PFKFB3: variants seen among roughly 807,000 people sequenced by gnomAD.
The protein encoded by PFKFB3 is 6-phosphofructo-2-kinase/fructose-2,6-biphosphatase 3, also known as 6-phosphofructo-2-kinase/fructose-2,6-bisphosphatase 3.
PFKFB3 carries 33 observed loss-of-function variants against 68.0 expected under a neutral mutation model. The ratio of observed to expected loss-of-function variants is 0.49; its 90% confidence interval spans 0.37 to 0.65. The LOEUF (loss-of-function observed/expected upper bound fraction) is 0.65, where lower values mean the gene tolerates loss of function less well. Among genes scored for constraint, PFKFB3 ranks in the 30% least tolerant of loss-of-function variants. The pLI is 0.00. For synonymous variants in PFKFB3, 315 were observed against 288.2 expected (o/e 1.09, Z -0.94); for missense variants, 586 against 712.2 (o/e 0.82, Z 2.02).
intron 14 of PFKFB3, among the ~76,000 whole-genome samples, chr10:6,227,794 T>C (rs1845452973): frequency 6.6e-6 from 1 of 152,174 alleles, no homozygotes; most frequent in Non-Finnish European, 1.5e-5. Flanking sequence ...CTGGGAGAGC[T>C]CTCATACATA....
intron 1 of PFKFB3, among the ~76,000 whole-genome samples, chr10:6,209,708 G>T (rs1430447252): frequency 6.7e-6 from 1 of 150,228 alleles, no homozygotes; most frequent in Non-Finnish European, 1.5e-5. Flanking sequence ...CAGGTGGTCT[G>T]CCCTCCTCTG....
the PFKFB3 span, among the ~76,000 whole-genome samples, chr10:6,277,345 T>C: frequency 1.3e-5 from 2 of 152,074 alleles, no homozygotes; most frequent in African/African-American, 4.8e-5. Flanking sequence ...GCGATTCTCC[T>C]GAGTAGCTGG....
rs557526455 is a variant in PFKFB3 at position 6,225,199 on chromosome 10, C to T, written c.1341+986C>T. Reference sequence around the variant, plus strand: ...CAACACTGTGCTAGTACTAGTCAGACCTTTCTCTTAGACCGAGCGTGACTT... The same window carrying T: ...CAACACTGTGCTAGTACTAGTCAGATCTTTCTCTTAGACCGAGCGTGACTT... On this transcript the variant is annotated intron_variant, in intron 13 of 14. Coordinates refer to ENST00000379775, the MANE Select transcript of PFKFB3 (RefSeq NM_004566.4). 52 of 456,342 alleles carry T rather than the reference C, an allele frequency of 1.1e-4. 1 individual carries two copies. The highest frequency in any genetic ancestry group is 8.1e-4 in the South Asian group (52 of 64,574). The allele number at this position is 456,342 out of a possible 1,614,324, so 28.3% of individuals were successfully genotyped here. A position where few individuals can be genotyped will look rare whatever the true frequency, so the allele number is the denominator to read the frequency against.
chr10:6,254,097 CTTT>C (rs34789693), intron 14 of PFKFB3: 53,671 of 320,892 alleles, frequency 0.17, 3 homozygotes, highest in Middle Eastern at 0.23. Flanking sequence ...TTTCAGATGG[CTTT>C]TTTTTTTTTT....
chr10:6,202,991 C>T lies in PFKFB3; in HGVS notation c.-270C>T, dbSNP rs1843434308. 7 of 1,316,812 alleles carry T rather than the reference C, an allele frequency of 5.3e-6. No individual in the cohort carries two copies. In the East Asian group the frequency reaches 2.4e-4, roughly 45 times the overall value. The allele number at this position is 1,316,812 out of a possible 1,614,324, so 81.6% of individuals were successfully genotyped here. On this transcript the variant is annotated 5_prime_UTR_variant, in exon 1 of 15. Coordinates refer to ENST00000379775, the MANE Select transcript of PFKFB3 (RefSeq NM_004566.4). ...GGTGGCGAGAGCGCGGCTGTCACTG[C>T]GCCCGAGCATCCCAGAGCTTTCCGA...
chr10:6,200,743 G>A (rs1235797127), upstream of PFKFB3, among the ~76,000 whole-genome samples: 4 of 150,374 alleles, frequency 2.7e-5, no homozygotes, highest in Non-Finnish European at 5.9e-5. Flanking sequence ...AGTGCAGGAG[G>A]CGAATGGGGG....
In PFKFB3 at chr10:6,210,910, G is replaced by T. The variant is rs113345655; in HGVS notation, c.77-2713G>T. The stretch of plus-strand genomic sequence containing the variant: ...TGTTTTTAATAGACGGGGTTTCGCC[G>T]TGTTAGCCAGGATAGTCTTGATCTC... On this transcript the variant is annotated intron_variant, in intron 1 of 14. Coordinates refer to ENST00000379775, the MANE Select transcript of PFKFB3 (RefSeq NM_004566.4). Among the ~76,000 whole-genome samples the T allele has an allele frequency of 2.1e-4, 2 of 9,750 alleles. 1 individual carries two copies. Among genetic ancestry groups the T allele is most frequent in the Non-Finnish European group, 2.2e-3 (2 of 914 alleles). 6.4% of individuals were successfully genotyped at this position (9,750 alleles called of 152,430 possible).
the PFKFB3 span, among the ~76,000 whole-genome samples, chr10:6,300,876 G>A: frequency 6.6e-6 from 1 of 152,188 alleles, no homozygotes; most frequent in African/African-American, 2.4e-5. Context: ...CTGCCTTTGA[G>A]AGAAGGGTAA....
the PFKFB3 span, among the ~76,000 whole-genome samples, chr10:6,281,956 AT>A: frequency 1.8e-3 from 257 of 142,976 alleles, no homozygotes; most frequent in Admixed American, 2.3e-3. Context: ...CAGAGCATGA[AT>A]TTTTTTTTTT....
chr10:6,317,790 G>A, the PFKFB3 span, among the ~76,000 whole-genome samples: 1 of 152,332 alleles, frequency 6.6e-6, no homozygotes, highest in East Asian at 1.9e-4. Context: ...CAGAGGCTGA[G>A]GGTGGAAAGG....
downstream of PFKFB3, among the ~76,000 whole-genome samples, chr10:6,239,967 C>T (rs921764143): frequency 1.3e-5 from 2 of 152,186 alleles, no homozygotes; most frequent in Admixed American, 6.5e-5. Context: ...AGCCACCGTG[C>T]CTGACAATGA....
rs112438459 is a variant in PFKFB3, at chr10:6,209,195, A to G, written c.77-4428A>G. On this transcript the variant is annotated intron_variant, in intron 1 of 14. Transcript: ENST00000379775. Reference sequence around the variant, plus strand: ...TACCCACGTGGCCATGGTTGTAACCATGACAACACTTTGAGCTCGAGTCCC... The same window carrying G: ...TACCCACGTGGCCATGGTTGTAACCGTGACAACACTTTGAGCTCGAGTCCC... Among the ~76,000 whole-genome samples, 1,159 of 152,288 alleles carry G rather than the reference A, an allele frequency of 7.6e-3. 16 individuals are homozygous for G. Among genetic ancestry groups the G allele is most frequent in the African/African-American group, 0.026 (1,093 of 41,554 alleles).
At chr10:6,266,354 T>C in the PFKFB3 span, among the ~76,000 whole-genome samples, 1 of 152,212 alleles carries the variant, frequency 6.6e-6, no homozygotes, top group Non-Finnish European at 1.5e-5. Context: ...CGGCATGCTC[T>C]CCTCTTCTGC....
rs1486647517 is a variant in PFKFB3 at position 6,216,057 on chromosome 10, G to A, written c.300-68G>A. The A allele has an allele frequency of 1.1e-5, 15 of 1,382,152 alleles. No homozygotes were observed. In the Middle Eastern group the frequency reaches 8.9e-4, roughly 82 times the overall value. The allele number at this position is 1,382,152 out of a possible 1,614,324, so 85.6% of individuals were successfully genotyped here. A position where few individuals can be genotyped will look rare whatever the true frequency, so the allele number is the denominator to read the frequency against. On this transcript the variant is annotated intron_variant, in intron 3 of 14. Coordinates refer to ENST00000379775, the MANE Select transcript of PFKFB3 (RefSeq NM_004566.4). ...TTACTCTGCTTGTCGGGGCGTGTCGGGAGTTGCTTGGGCTGCCCCAGCGGA... is the reference window on the plus strand; with the variant it reads ...TTACTCTGCTTGTCGGGGCGTGTCGAGAGTTGCTTGGGCTGCCCCAGCGGA...
chr10:6,221,295 C>T, intron 8 of PFKFB3, 86 bp from the exon 9 acceptor site: 1 of 1,522,906 alleles, frequency 6.6e-7, no homozygotes, highest in South Asian at 1.2e-5. Flanking sequence ...TAGTGCACAG[C>T]CCTACGTGGG....
At chr10:6,257,730 A>C (rs1207520486), downstream of PFKFB3, among the ~76,000 whole-genome samples, 1 of 152,046 alleles carries the variant, frequency 6.6e-6, no homozygotes, top group Non-Finnish European at 1.5e-5. Flanking sequence ...TGTGCATGGG[A>C]TTTATTATGG....
chr10:6,285,422 G>T, the PFKFB3 span, among the ~76,000 whole-genome samples: 1 of 151,876 alleles, frequency 6.6e-6, no homozygotes, highest in Non-Finnish European at 1.5e-5. Context: ...TAGTAGAGAC[G>T]GGGTTTTACC....
chr10:6,293,275 A>C, the PFKFB3 span: 1 of 418,330 alleles, frequency 2.4e-6, no homozygotes, highest in Non-Finnish European at 4.7e-6. Context: ...TGTTGATTTC[A>C]CAGATGTTGT....
chr10:6,201,217 T>G (rs1001804370), upstream of PFKFB3, among the ~76,000 whole-genome samples: 2 of 150,722 alleles, frequency 1.3e-5, no homozygotes, highest in African/African-American at 4.9e-5. The surrounding 1 kb of genome is among the most constrained non-coding windows in gnomAD (Gnocchi z 4.1). Context: ...GCTGTTTCCC[T>G]CTTCGGGTCA....
Sources: gnomAD v4.1 joint callset for allele counts (sites outside exome capture counted in the v4.1 genomes callset) on GRCh38, gnomAD v4.1.1 for gene constraint, Gnocchi (gnomAD v3.1) non-coding constraint, MANE v1.5 for transcripts, NCBI Gene and HGNC (gene_info 2026-07-23, HGNC 2026-07-21) for gene names.